Variants in CDH18 observed in about 807,000 individuals in gnomAD.
The protein encoded by CDH18 is cadherin-18.
In CDH18, 31 loss-of-function variants were observed where a neutral mutation model predicts 67.9. The ratio of observed to expected loss-of-function variants is 0.46; its 90% CI spans 0.34 to 0.62. The LOEUF is 0.62. CDH18 is among the 20% of genes least tolerant of loss of function. CDH18 has a pLI of 0.01. For missense variants in CDH18, 890 were observed against 975.5 expected (o/e 0.91, Z 1.17); for synonymous variants, 362 against 347.2 (o/e 1.04, Z -0.48).
At chr5:20,570,032 G>A (rs1234867841) in intron 1 of CDH18, among the ~76,000 whole-genome samples, 1 of 152,094 alleles carries the variant, frequency 6.6e-6, no homozygotes. Context: ...AACTGAAGAA[G>A]GCATGACTAG....
At chr5:20,348,242 A>G (rs1740872443) in intron 1 of CDH18, among the ~76,000 whole-genome samples, 1 of 152,212 alleles carries the variant, frequency 6.6e-6, no homozygotes, top group African/African-American at 2.4e-5. Context: ...ATAGCATGGA[A>G]TAACAAACTC....
intron 2 of CDH18, among the ~76,000 whole-genome samples, chr5:19,933,900 T>C (rs1029655025): frequency 2.0e-5 from 3 of 151,410 alleles, no homozygotes; most frequent in African/African-American, 7.3e-5. Flanking sequence ...AAACATATAG[T>C]ATTGACTTGC....
intron 5 of CDH18, among the ~76,000 whole-genome samples, chr5:19,717,583 A>C (rs1765497770): frequency 6.6e-6 from 1 of 152,080 alleles, no homozygotes; most frequent in African/African-American, 2.4e-5. Context: ...AGAAAACTTG[A>C]AATATTGATT....
At chr5:19,497,998 GTTC>G (rs1342401013) in intron 11 of CDH18, among the ~76,000 whole-genome samples, 2 of 152,142 alleles carry the variant, frequency 1.3e-5, no homozygotes, top group Non-Finnish European at 2.9e-5. Flanking sequence ...AGGAGCATAA[GTTC>G]TTCTTCAGAT....
chr5:19,822,611 T>C (rs527942924), intron 3 of CDH18, among the ~76,000 whole-genome samples: 7 of 152,238 alleles, frequency 4.6e-5, no homozygotes, highest in Non-Finnish European at 8.8e-5. Flanking sequence ...AAGTTTTTAT[T>C]AGTGATTTTC....
In CDH18 at chr5:20,562,015, T is replaced by C. The variant is rs1201928594; in HGVS notation, c.-580+13447A>G. Among the ~76,000 whole-genome samples, 4 of 151,876 alleles carry C rather than the reference T, an allele frequency of 2.6e-5. No individual in the cohort carries two copies. In the South Asian group the frequency reaches 6.2e-4, roughly 24 times the overall value. Reference sequence around the variant, plus strand: ...AATAGGCTATTATGAACAAAAAGTGTATGCAATAAATTTTACAGCAATATT... The same window carrying C: ...AATAGGCTATTATGAACAAAAAGTGCATGCAATAAATTTTACAGCAATATT... On this transcript the variant is annotated intron_variant, in intron 1 of 14. Transcript: ENST00000507958.
intron 3 of CDH18, among the ~76,000 whole-genome samples, chr5:19,763,053 AC>A (rs1475924019): frequency 2.0e-5 from 3 of 152,182 alleles, no homozygotes; most frequent in East Asian, 3.9e-4. Context: ...AACAATGAGA[AC>A]ACTTGGACAC....
chr5:20,564,089 A>G (rs192836083), intron 1 of CDH18, among the ~76,000 whole-genome samples: 1 of 152,118 alleles, frequency 6.6e-6, no homozygotes, highest in African/African-American at 2.4e-5. Context: ...TCCTTAGCAT[A>G]GTAATAATTA....
chr5:19,677,910 G>C (rs1225197389), intron 5 of CDH18, among the ~76,000 whole-genome samples: 1 of 151,852 alleles, frequency 6.6e-6, no homozygotes, highest in Non-Finnish European at 1.5e-5. Flanking sequence ...TTGACAAGCA[G>C]ACCTAACTTC....
intron 1 of CDH18, among the ~76,000 whole-genome samples, chr5:19,986,377 T>C (rs913355092): frequency 3.9e-5 from 6 of 152,212 alleles, no homozygotes; most frequent in African/African-American, 1.2e-4. Context: ...TCCTTTGCTA[T>C]TGGGTTATCT....
intron 6 of CDH18, among the ~76,000 whole-genome samples, chr5:19,609,199 GAGA>G (rs1748563591): frequency 1.3e-5 from 2 of 152,050 alleles, no homozygotes; most frequent in Non-Finnish European, 1.5e-5. Context: ...TCTCTAGAAG[GAGA>G]AGTACACATC....
intron 5 of CDH18, among the ~76,000 whole-genome samples, chr5:19,656,455 T>C (rs1457597474): frequency 6.6e-6 from 1 of 152,120 alleles, no homozygotes; most frequent in Middle Eastern, 3.2e-3. Context: ...CAAGTGTTAT[T>C]GAGTCTGACT....
In CDH18 at chr5:20,304,174, A is replaced by C. The variant is rs1197903024; in HGVS notation, c.-579-48669T>G. On this transcript the variant is annotated intron_variant, in intron 1 of 14. Coordinates refer to the CDH18 transcript ENST00000507958. ...CAATTGGTGGATTTGGAACACAGAC[A>C]ATAAAAACGTTATTTTTCCCTGTTG... 7.8e-6 allele frequency: 12 copies of C among 1,528,752 alleles called. No individual in the cohort carries two copies. The African/African-American group carries it at 1.1e-4, about 14-fold the overall frequency. The allele number at this position is 1,528,752 out of a possible 1,614,324, so 94.7% of individuals were successfully genotyped here.
rs960910459 is a variant in CDH18 at position 19,550,932 on chromosome 5, C to T, written c.1254-6927G>A. Among the ~76,000 whole-genome samples, 117 of 152,122 alleles carry T rather than the reference C, an allele frequency of 7.7e-4. 1 individual carries two copies. Among genetic ancestry groups the T allele is most frequent in the Non-Finnish European group, 1.4e-3 (92 of 68,004 alleles). On this transcript the variant is annotated intron_variant, in intron 8 of 12. Coordinates refer to ENST00000382275, the MANE Select transcript of CDH18 (RefSeq NM_004934.5). ...ACATGCTCTCCAGCACCTGTTGTTT[C>T]CTGACTTTTTAATGATTGCCATTCT...
intron 2 of CDH18, among the ~76,000 whole-genome samples, chr5:20,117,009 ATG>A (rs112582550): frequency 6.0e-4 from 90 of 148,940 alleles, no homozygotes; most frequent in Admixed American, 1.0e-3. Flanking sequence ...GGAGAGATAA[ATG>A]TGTGTGTGTG....
chr5:19,985,544 G>T (rs1166602946), intron 1 of CDH18, among the ~76,000 whole-genome samples: 1 of 151,900 alleles, frequency 6.6e-6, no homozygotes, highest in Non-Finnish European at 1.5e-5. Flanking sequence ...GGGATCTAGT[G>T]GGTAGAGAAT....
chr5:20,496,517 A>G (rs1339263514), intron 1 of CDH18, among the ~76,000 whole-genome samples: 3 of 152,182 alleles, frequency 2.0e-5, no homozygotes, highest in Non-Finnish European at 2.9e-5. Context: ...TAAAATATAC[A>G]ATTGATAAAA....
At position 20,103,269 on chromosome 5, in the gene CDH18, C is replaced by CAATGAGCTTGAAATGCTTTCAAAT. The variant is rs1296194660; in HGVS notation, c.-517-111279_-517-111256dup. On this transcript the variant is annotated intron_variant, in intron 2 of 14. Coordinates refer to the CDH18 transcript ENST00000507958. The stretch of plus-strand genomic sequence containing the variant: ...GATTGCAGTGCTCTCCAAAGCTTAA[C>CAATGAGCTTGAAATGCTTTCAAAT]AATGAGCTTGAAATGCTTTCAAATA... 2.7e-3 allele frequency among the ~76,000 whole-genome samples: 407 copies of CAATGAGCTTGAAATGCTTTCAAAT among 152,250 alleles called. 2 individuals are homozygous for CAATGAGCTTGAAATGCTTTCAAAT. The highest frequency in any genetic ancestry group is 3.4e-3 in the Middle Eastern group (1 of 294).
chr5:19,809,023 T>C (rs531559919), intron 3 of CDH18, among the ~76,000 whole-genome samples: 1 of 151,990 alleles, frequency 6.6e-6, no homozygotes, highest in Non-Finnish European at 1.5e-5. Flanking sequence ...GAAAGGATAT[T>C]AAAAATATTA....
Sources: allele counts gnomAD v4.1 joint callset (sites outside exome capture counted in the v4.1 genomes callset), GRCh38; gene constraint gnomAD v4.1.1; transcripts MANE v1.5; gene names NCBI Gene and HGNC (gene_info 2026-07-23, HGNC 2026-07-21).